Variants in ROBO2 observed in about 807,000 individuals in gnomAD.
ROBO2 encodes roundabout homolog 2.
In ROBO2, 53 loss-of-function variants were observed where a neutral mutation model predicts 160.8. The ratio of observed to expected loss-of-function variants is 0.33; its 90% CI spans 0.26 to 0.41. The LOEUF is 0.41. Among genes scored for constraint, ROBO2 ranks in the 10% least tolerant of loss-of-function variants. ROBO2 has a pLI of 1.00. For synonymous variants in ROBO2, 664 were observed against 611.7 expected, an observed-to-expected ratio of 1.09 and a Z score of -1.26; for missense variants, 1,577 against 1,722.4, an observed-to-expected ratio of 0.92 and a Z score of 1.49.
intron 2 of ROBO2, among the ~76,000 whole-genome samples, chr3:76,731,253 T>A (rs1042002670): frequency 4.6e-5 from 7 of 152,232 alleles, no homozygotes; most frequent in African/African-American, 1.7e-4. Flanking sequence ...TTGCCTTTAT[T>A]TTTATGAATA....
At chr3:77,550,314 TTTTGAACAAC>T (rs1284131007) in intron 7 of ROBO2, among the ~76,000 whole-genome samples, 1 of 152,032 alleles carries the variant, frequency 6.6e-6, no homozygotes, top group African/African-American at 2.4e-5. Context: ...TGTCACACAC[TTTTGAACAAC>T]TTTGGGAGAA....
At chr3:76,112,852 TAGC>T (rs997745204) in intron 2 of ROBO2, among the ~76,000 whole-genome samples, 6 of 152,134 alleles carry the variant, frequency 3.9e-5, no homozygotes, top group African/African-American at 1.4e-4. Flanking sequence ...ATTTTTGATT[TAGC>T]AGGCAAAATC....
chr3:77,271,127 C>A, intron 2 of ROBO2, among the ~76,000 whole-genome samples: 1 of 151,638 alleles, frequency 6.6e-6, no homozygotes, highest in Non-Finnish European at 1.5e-5. Flanking sequence ...TTTGTATCTT[C>A]TATGTAATAT....
At chr3:76,567,737 A>G (rs1336993964) in intron 2 of ROBO2, among the ~76,000 whole-genome samples, 1 of 61,704 alleles carries the variant, frequency 1.6e-5, no homozygotes, top group Non-Finnish European at 3.3e-5. Flanking sequence ...GTATATATAT[A>G]CTGTTTTATA....
chr3:76,835,747 C>G (rs1375193877), intron 2 of ROBO2, among the ~76,000 whole-genome samples: 1 of 151,930 alleles, frequency 6.6e-6, no homozygotes, highest in Non-Finnish European at 1.5e-5. Flanking sequence ...GGATCTCCAA[C>G]TTTGTGATTC....
At chr3:76,248,576 G>A (rs1705777952) in intron 2 of ROBO2, among the ~76,000 whole-genome samples, 1 of 150,926 alleles carries the variant, frequency 6.6e-6, no homozygotes, top group African/African-American at 2.4e-5. Flanking sequence ...CACCAGCATG[G>A]CACATGTATA....
intron 2 of ROBO2, among the ~76,000 whole-genome samples, chr3:76,200,059 C>T (rs1702450804): frequency 6.6e-6 from 1 of 152,154 alleles, no homozygotes; most frequent in South Asian, 2.1e-4. Context: ...AGTTCTCTAG[C>T]AAGGGCCCTG....
chr3:77,477,242 G>A (rs2084120432), intron 2 of ROBO2, among the ~76,000 whole-genome samples, 172 bp from the exon 3 acceptor site: 1 of 152,230 alleles, frequency 6.6e-6, no homozygotes, highest in African/African-American at 2.4e-5. Flanking sequence ...TCCTGTTGAT[G>A]ATCATTTATG....
At chr3:77,094,347 T>C (rs900642629) in intron 1 of ROBO2, among the ~76,000 whole-genome samples, 11 of 152,250 alleles carry the variant, frequency 7.2e-5, no homozygotes, top group African/African-American at 2.7e-4. Flanking sequence ...GGCTGAATAA[T>C]ATTCCATTAT....
At chr3:75,995,058 G>A (rs111608131) in intron 2 of ROBO2, among the ~76,000 whole-genome samples, 4,532 of 152,234 alleles carry the variant, frequency 0.03, 213 homozygotes, top group African/African-American at 0.096. Flanking sequence ...GAGCATAAAA[G>A]TTTGGAAAAT....
chr3:76,961,638 A>C (rs891840157), intron 2 of ROBO2, among the ~76,000 whole-genome samples: 8 of 152,186 alleles, frequency 5.3e-5, no homozygotes, highest in Non-Finnish European at 1.0e-4. Flanking sequence ...TTCTAGTTAC[A>C]TGGCTTGGGT....
chr3:76,446,146 G>T (rs369512857), intron 2 of ROBO2, among the ~76,000 whole-genome samples: 6 of 152,072 alleles, frequency 3.9e-5, no homozygotes, highest in Admixed American at 1.3e-4. Flanking sequence ...AAACCCCATC[G>T]TCTCAGCCCA....
chr3:77,458,199 G>C (rs2081884153), intron 2 of ROBO2, among the ~76,000 whole-genome samples: 3 of 152,148 alleles, frequency 2.0e-5, no homozygotes, highest in Admixed American at 2.0e-4. Context: ...TCAAACAAAA[G>C]GCTTTCAATC....
chr3:77,612,745 G>A (rs2094675325), intron 21 of ROBO2, among the ~76,000 whole-genome samples: 1 of 152,086 alleles, frequency 6.6e-6, no homozygotes, highest in Non-Finnish European at 1.5e-5. Context: ...AGGAGATCGT[G>A]ACCATCCTGG....
chr3:76,150,868 G>T (rs1178934104), intron 2 of ROBO2, among the ~76,000 whole-genome samples: 1 of 152,126 alleles, frequency 6.6e-6, no homozygotes, highest in Non-Finnish European at 1.5e-5. Context: ...CTTCCTACAT[G>T]CTTGTGATAG....
rs111746024 is a variant in ROBO2 at position 75,930,551 on chromosome 3, C to T, written c.-13-6930C>T. ...TCTTTTTTCTCTACACACATACTCT[C>T]TCTAAGCTCTAAACACTACTAAACA... On this transcript the variant is annotated intron_variant, in intron 1 of 26. Transcript: ENST00000487694. 5.7e-3 allele frequency among the ~76,000 whole-genome samples: 874 copies of T among 152,330 alleles called. 6 individuals are homozygous for T. The highest frequency in any genetic ancestry group is 0.02 in the African/African-American group (847 of 41,570).
At chr3:76,790,561 C>A (rs1159949686) in intron 2 of ROBO2, among the ~76,000 whole-genome samples, 2 of 151,642 alleles carry the variant, frequency 1.3e-5, no homozygotes, top group African/African-American at 2.4e-5. Context: ...TTAGTTTAGC[C>A]TAGCCTACCT....
chr3:76,974,308 T>A (rs913385683), intron 2 of ROBO2, among the ~76,000 whole-genome samples: 3 of 152,348 alleles, frequency 2.0e-5, no homozygotes, highest in Admixed American at 1.3e-4. Context: ...CCCCTTTTTC[T>A]TATTTTTCTT....
chr3:76,401,740 C>CA (rs562200056), intron 2 of ROBO2, among the ~76,000 whole-genome samples: 62 of 142,152 alleles, frequency 4.4e-4, no homozygotes, highest in South Asian at 8.9e-4. Context: ...CTGACAAGAA[C>CA]AAAAAAAAAA....
Sources: gnomAD v4.1 joint callset for allele counts (sites outside exome capture counted in the v4.1 genomes callset) on GRCh38, gnomAD v4.1.1 for gene constraint, MANE v1.5 for transcripts, NCBI Gene and HGNC (gene_info 2026-07-23, HGNC 2026-07-21) for gene names.